Variants in DPP10 observed in about 807,000 individuals in gnomAD.
DPP10 encodes dipeptidyl peptidase like 10, also known as inactive dipeptidyl peptidase 10.
In DPP10, 33 loss-of-function variants were observed where a neutral mutation model predicts 120.9. The ratio of observed to expected loss-of-function variants is 0.27; its 90% CI spans 0.21 to 0.37. DPP10 has a LOEUF of 0.37. Ranked by LOEUF, DPP10 falls within the 10% of genes least tolerant of loss-of-function variation. The probability of loss-of-function intolerance (pLI) is 1.00; values close to 1 mark genes in which losing one functional copy is unlikely to be tolerated. For missense variants in DPP10, 816 were observed against 942.8 expected, an observed-to-expected ratio of 0.87 and a Z score of 1.76; for synonymous variants, 337 against 326.1, an observed-to-expected ratio of 1.03 and a Z score of -0.36.
chr2:115,292,401 A>G (rs7569580), intron 1 of DPP10, among the ~76,000 whole-genome samples: 37,858 of 152,038 alleles, frequency 0.25, 4,949 homozygotes, highest in East Asian at 0.36. Context: ...AAGAAAAACT[A>G]CTTTTGAAAT....
At chr2:115,068,330 CTT>C (rs904917217) in intron 1 of DPP10, among the ~76,000 whole-genome samples, 1 of 145,772 alleles carries the variant, frequency 6.9e-6, no homozygotes, top group Non-Finnish European at 1.5e-5. Context: ...TAATGTTCAG[CTT>C]TTTTTTTTTC....
intron 15 of DPP10, among the ~76,000 whole-genome samples, chr2:115,778,740 C>A (rs1682414421): frequency 6.6e-6 from 1 of 152,038 alleles, no homozygotes; most frequent in Non-Finnish European, 1.5e-5. Flanking sequence ...TCTGCATCAC[C>A]CCCACACTCT....
intron 1 of DPP10, among the ~76,000 whole-genome samples, chr2:114,727,145 G>C (rs1208688936): frequency 6.6e-6 from 1 of 152,166 alleles, no homozygotes; most frequent in Non-Finnish European, 1.5e-5. Context: ...CCTGGAGCTT[G>C]ATTTGCTGTA....
chr2:115,377,152 G>A (rs2065875422), intron 3 of DPP10, among the ~76,000 whole-genome samples: 2 of 152,088 alleles, frequency 1.3e-5, no homozygotes, highest in Non-Finnish European at 1.5e-5. Flanking sequence ...GGTTGAACTA[G>A]TTTACAGTCC....
chr2:114,651,269 T>C (rs528924033), intron 1 of DPP10, among the ~76,000 whole-genome samples: 38 of 152,350 alleles, frequency 2.5e-4, no homozygotes, highest in African/African-American at 8.9e-4. Context: ...TGTCTGGATC[T>C]GCCCATATGT....
chr2:115,300,980 A>G (rs1279838351), intron 1 of DPP10, among the ~76,000 whole-genome samples: 1 of 151,942 alleles, frequency 6.6e-6, no homozygotes, highest in Non-Finnish European at 1.5e-5. Flanking sequence ...GTGGAGGAAG[A>G]TGTTCTCTAA....
Position 114,803,052 on chromosome 2 carries a change from G to A in DPP10, c.60+360214G>A, listed in dbSNP as rs182306445. 7.9e-5 allele frequency among the ~76,000 whole-genome samples: 12 copies of A among 152,244 alleles called. No homozygotes were observed. The East Asian group carries it at 1.4e-3, about 17-fold the overall frequency. ...CTCCCAGAATTCCTACGTGTTGTAC[G>A]AGGGACTCACGGGGAGGTACTTGAA... is the stretch of plus-strand genomic sequence containing the variant. On this transcript the variant is annotated intron_variant, in intron 1 of 25. Transcript: ENST00000410059.
intron 1 of DPP10, chr2:115,162,165 T>G: frequency 6.5e-7 from 1 of 1,543,014 alleles, no homozygotes; most frequent in Non-Finnish European, 8.7e-7. Context: ...AGTTCCAGGC[T>G]CTCCTGCTTC....
intron 1 of DPP10, among the ~76,000 whole-genome samples, chr2:114,888,271 C>T (rs1692245061): frequency 6.6e-6 from 1 of 152,084 alleles, no homozygotes. Context: ...AGTTTTCCAG[C>T]ACAGAGTAGA....
chr2:115,343,887 C>T lies in DPP10; in HGVS notation c.246C>T (p.His82=), dbSNP rs143448690. Residue 82 remains histidine (H), a synonymous_variant, in exon 3 of 26, where the codon CAC becomes CAT. Transcript: ENST00000410059. The part of the protein sequence containing the change: ...EDLFRKDFVL[H]DPEARWINDT... ...TCTTTAGGAAAGACTTTGTGCTTCACGATCCAGAGGCTCGGTGGATCAATG... is the reference window on the plus strand; with the variant it reads ...TCTTTAGGAAAGACTTTGTGCTTCATGATCCAGAGGCTCGGTGGATCAATG... The T allele has an allele frequency of 9.3e-5, 150 of 1,611,174 alleles. No homozygotes were observed. In the South Asian group the frequency reaches 1.0e-3, roughly 11 times the overall value.
intron 13 of DPP10, 56 bp downstream of exon 13, chr2:115,768,460 C>A: frequency 1.3e-6 from 2 of 1,503,388 alleles, no homozygotes; most frequent in Non-Finnish European, 1.8e-6. Flanking sequence ...TCCCCGAAGG[C>A]CCAGTTCTTG....
chr2:114,574,674 C>T (rs1405934620), intron 1 of DPP10, among the ~76,000 whole-genome samples: 3 of 152,100 alleles, frequency 2.0e-5, no homozygotes, highest in East Asian at 1.9e-4. Context: ...CAATAGCAAC[C>T]GCAACACAAA....
At chr2:115,505,966 A>G (rs2076917221) in intron 4 of DPP10, among the ~76,000 whole-genome samples, 1 of 150,934 alleles carries the variant, frequency 6.6e-6, no homozygotes, top group Admixed American at 6.7e-5. Context: ...ATATACAATT[A>G]TAGTTTATAA....
At chr2:115,461,785 T>C (rs2074000678) in intron 3 of DPP10, among the ~76,000 whole-genome samples, 1 of 152,176 alleles carries the variant, frequency 6.6e-6, no homozygotes, top group Admixed American at 6.6e-5. Flanking sequence ...TATTTGCTAA[T>C]ATATATTAAT....
intron 1 of DPP10, among the ~76,000 whole-genome samples, chr2:115,040,408 G>T (rs932393379): frequency 6.6e-6 from 1 of 151,900 alleles, no homozygotes; most frequent in Non-Finnish European, 1.5e-5. Context: ...CTAAAAGTTT[G>T]AATTAAGTGA....
At chr2:114,803,360 G>A (rs889987246) in intron 1 of DPP10, among the ~76,000 whole-genome samples, 26 of 152,156 alleles carry the variant, frequency 1.7e-4, no homozygotes, top group Non-Finnish European at 2.9e-4. Context: ...CAGTAGAGTG[G>A]GGCATTGCTT....
At chr2:115,115,366 G>T (rs4462788) in intron 1 of DPP10, among the ~76,000 whole-genome samples, 69,259 of 151,880 alleles carry the variant, frequency 0.46, 16,053 homozygotes, top group East Asian at 0.67. Flanking sequence ...ATAAGATCCA[G>T]GGTTACCTTT....
intron 1 of DPP10, among the ~76,000 whole-genome samples, chr2:114,465,991 C>A (rs1196789919): frequency 3.3e-5 from 5 of 152,076 alleles, no homozygotes; most frequent in African/African-American, 1.2e-4. Flanking sequence ...GGCTGTGCTT[C>A]CCCCCACCCC....
chr2:115,567,300 A>G (rs72961559), intron 5 of DPP10, among the ~76,000 whole-genome samples: 3,751 of 152,150 alleles, frequency 0.025, 155 homozygotes, highest in African/African-American at 0.084. Flanking sequence ...TTTTCAATCC[A>G]TTTTTAAACT....
Sources: gnomAD v4.1 joint callset for allele counts (sites outside exome capture counted in the v4.1 genomes callset) on GRCh38, gnomAD v4.1.1 for gene constraint, MANE v1.5 for transcripts, NCBI Gene and HGNC (gene_info 2026-07-23, HGNC 2026-07-21) for gene names.